Variants in PCNX2 observed in about 807,000 individuals in gnomAD.
The protein encoded by PCNX2 is pecanex-like protein 2.
In PCNX2, 168 loss-of-function variants were observed where a neutral mutation model predicts 223.8. The observed-to-expected ratio is 0.75, with a 90% confidence interval of 0.66 to 0.85. The LOEUF is 0.85. Ranked by LOEUF, PCNX2 falls within the 40% of genes least tolerant of loss-of-function variation. The probability of loss-of-function intolerance (pLI) is 0.00; values close to 1 mark genes in which losing one functional copy is unlikely to be tolerated. For synonymous variants in PCNX2, 1,006 were observed against 1,052.6 expected (o/e 0.96, Z 0.86); for missense variants, 2,507 against 2,675.5 (o/e 0.94, Z 1.39).
chr1:233,128,067 T>C (rs150815767), intron 21 of PCNX2, among the ~76,000 whole-genome samples: 191 of 152,340 alleles, frequency 1.3e-3, no homozygotes, highest in Middle Eastern at 6.8e-3. Context: ...CCCAGCGTGG[T>C]AGTCCATGAC....
At chr1:233,242,069 T>C (rs1658803657) in intron 8 of PCNX2, among the ~76,000 whole-genome samples, 1 of 152,204 alleles carries the variant, frequency 6.6e-6, no homozygotes, top group South Asian at 2.1e-4. Context: ...GCTGATAATG[T>C]CAACAAAAGA....
Position 233,208,654 on chromosome 1 carries a change from G to A in PCNX2, c.2727C>T (p.Ile909=). 1.2e-6 allele frequency: 2 copies of A among 1,613,726 alleles called. No homozygotes were observed. Among genetic ancestry groups the A allele is most frequent in the Non-Finnish European group, 1.7e-6 (2 of 1,179,826 alleles). ...HNQIITYSRP[I]YFCVLCGLIL... ...TAAGGCCACACAGCACACAAAAATAGATTGGTCTGCTATATGTTATGATTT... is the reference window on the plus strand; with the variant it reads ...TAAGGCCACACAGCACACAAAAATAAATTGGTCTGCTATATGTTATGATTT... The change falls in exon 13 of 34, where the codon ATC becomes ATT. Residue 909 remains isoleucine (I), a synonymous_variant. Transcript: ENST00000258229.
intron 9 of PCNX2, among the ~76,000 whole-genome samples, chr1:233,233,424 CTGTGTGTGTGTG>C (rs57458756): frequency 0.01 from 1,443 of 140,332 alleles, 11 homozygotes; most frequent in Non-Finnish European, 0.013. Context: ...TCCTCTTCTC[CTGTGTGTGTGTG>C]TGTGTGTGTG....
chr1:233,246,390 G>A (rs964883679), intron 8 of PCNX2, among the ~76,000 whole-genome samples: 1 of 152,164 alleles, frequency 6.6e-6, no homozygotes. Flanking sequence ...AGCTTGTGAC[G>A]CCATGGTGGG....
At chr1:233,266,687 T>C (rs933491626) in intron 1 of PCNX2, among the ~76,000 whole-genome samples, 1 of 152,216 alleles carries the variant, frequency 6.6e-6, no homozygotes, top group Non-Finnish European at 1.5e-5. Context: ...TATTTTTGAA[T>C]AGCCGTTTTC....
At chr1:233,060,858 C>T (rs566118774) in intron 23 of PCNX2, among the ~76,000 whole-genome samples, 1 of 152,256 alleles carries the variant, frequency 6.6e-6, no homozygotes, top group Non-Finnish European at 1.5e-5. Context: ...TATAACAGGA[C>T]TCTCCAGAGA....
intron 23 of PCNX2, among the ~76,000 whole-genome samples, chr1:233,081,717 T>C (rs1273883982): frequency 6.6e-6 from 1 of 152,202 alleles, no homozygotes; most frequent in Non-Finnish European, 1.5e-5. Context: ...AGCCTAATGA[T>C]TCTAAGGGTG....
chr1:233,060,808 G>A (rs1672378760), intron 23 of PCNX2, among the ~76,000 whole-genome samples: 1 of 152,168 alleles, frequency 6.6e-6, no homozygotes, highest in Admixed American at 6.5e-5. Context: ...ACTGTGCATT[G>A]CTGGCTAATG....
chr1:233,218,423 ATTT>A (rs1156989328), intron 10 of PCNX2, among the ~76,000 whole-genome samples: 42 of 147,524 alleles, frequency 2.8e-4, no homozygotes, highest in Non-Finnish European at 4.6e-4. Context: ...TAATTTTTTT[ATTT>A]TTTTTAGTAG....
At chr1:233,191,304 A>G (rs539505843) in intron 15 of PCNX2, among the ~76,000 whole-genome samples, 1 of 152,332 alleles carries the variant, frequency 6.6e-6, no homozygotes, top group African/African-American at 2.4e-5. Flanking sequence ...TGTGTCGACT[A>G]TCACAGAATA....
the PCNX2 span, among the ~76,000 whole-genome samples, chr1:233,308,572 A>T: frequency 6.6e-6 from 1 of 152,240 alleles, no homozygotes; most frequent in Non-Finnish European, 1.5e-5. Flanking sequence ...GTATAAAGAT[A>T]TTTAGTGGTA....
chr1:233,308,500 T>C, the PCNX2 span, among the ~76,000 whole-genome samples: 1 of 150,784 alleles, frequency 6.6e-6, no homozygotes, highest in African/African-American at 2.4e-5. Context: ...GAAAAAGAAA[T>C]AGGAGAAGAG....
rs548240548 is a variant in PCNX2 at position 233,209,429 on chromosome 1, C to T, written c.2692-740G>A. On this transcript the variant is annotated intron_variant, in intron 12 of 33. Transcript: ENST00000258229. ...AGGGCAAAAGCCAACAAAAAATTTA[C>T]ATCTCATAAATCAATGCACAATTTA... 7.2e-4 allele frequency among the ~76,000 whole-genome samples: 109 copies of T among 152,194 alleles called. 1 individual carries two copies. The highest frequency in any genetic ancestry group is 6.9e-3 in the Admixed American group (106 of 15,298).
chr1:233,147,983 T>A (rs1443440763), intron 19 of PCNX2, among the ~76,000 whole-genome samples: 1 of 151,752 alleles, frequency 6.6e-6, no homozygotes, highest in East Asian at 1.9e-4. Context: ...AACAGGAGAG[T>A]CACAAAAAAA....
chr1:233,060,831 C>T (rs78213146), intron 23 of PCNX2, among the ~76,000 whole-genome samples: 1 of 152,128 alleles, frequency 6.6e-6, no homozygotes, highest in African/African-American at 2.4e-5. Context: ...GTCCTGAGCA[C>T]TACAGAACAA....
At chr1:233,208,485 A>C in intron 13 of PCNX2, 33 bp downstream of exon 13, 2 of 1,570,354 alleles carry the variant, frequency 1.3e-6, no homozygotes, top group Non-Finnish European at 1.7e-6. Flanking sequence ...CCCAACCCCC[A>C]TATTCTTCCC....
chr1:233,298,305 C>G (rs1662204654), upstream of PCNX2, among the ~76,000 whole-genome samples: 1 of 152,150 alleles, frequency 6.6e-6, no homozygotes, highest in African/African-American at 2.4e-5. Context: ...TTAATAGTGT[C>G]AAGTGCCATA....
At position 233,001,994 on chromosome 1, in the gene PCNX2, A is replaced by G. The variant is rs1670105552; in HGVS notation, c.4953-313T>C. Among the ~76,000 whole-genome samples, 1 of 152,188 alleles carries G rather than the reference A, an allele frequency of 6.6e-6. No individual in the cohort carries two copies. Among genetic ancestry groups the G allele is most frequent in the Non-Finnish European group, 1.5e-5 (1 of 68,036 alleles). On this transcript the variant is annotated intron_variant, in intron 28 of 33. Transcript: ENST00000258229. This position sits in a 1 kb window ranked among gnomAD's most constrained non-coding sequence, Gnocchi z 4.2. ...GCCTCACGTGTCCACTCAAAGTTAG[A>G]GTGCTAAAACACAGTTTCATCTACC... is the stretch of plus-strand genomic sequence containing the variant.
intron 17 of PCNX2, among the ~76,000 whole-genome samples, chr1:233,164,625 T>C (rs1034855219): frequency 1.7e-4 from 18 of 103,764 alleles, no homozygotes; most frequent in African/African-American, 5.8e-4. Context: ...ATGAAATATA[T>C]ATCATATATA....
Sources: gnomAD v4.1 joint callset for allele counts (sites outside exome capture counted in the v4.1 genomes callset) on GRCh38, gnomAD v4.1.1 for gene constraint, Gnocchi (gnomAD v3.1) non-coding constraint, MANE v1.5 for transcripts, NCBI Gene and HGNC (gene_info 2026-07-23, HGNC 2026-07-21) for gene names.